Variants in KLHL1 observed in about 807,000 individuals in gnomAD.
KLHL1 encodes the protein kelch like family member 1, also known as kelch-like protein 1.
In KLHL1, 47 loss-of-function variants were observed where a neutral mutation model predicts 77.7. The ratio of observed to expected loss-of-function variants is 0.60; its 90% CI spans 0.48 to 0.77. The LOEUF (loss-of-function observed/expected upper bound fraction) is 0.77, where lower values mean the gene tolerates loss of function less well. Among genes scored for constraint, KLHL1 ranks in the 30% least tolerant of loss-of-function variants. The pLI, the probability that KLHL1 is intolerant of heterozygous loss-of-function variation, is 0.00. For missense variants in KLHL1, 925 were observed against 910.8 expected (o/e 1.02, Z -0.20); for synonymous variants, 360 against 325.2 (o/e 1.11, Z -1.15).
chr13:69,728,770 T>C (rs1184275431), intron 8 of KLHL1, among the ~76,000 whole-genome samples: 1 of 151,594 alleles, frequency 6.6e-6, no homozygotes, highest in Non-Finnish European at 1.5e-5. Context: ...ATTGTGCCAC[T>C]ACACTCCAGC....
intron 7 of KLHL1, among the ~76,000 whole-genome samples, chr13:69,784,239 T>A (rs1351748183): frequency 1.3e-5 from 2 of 152,036 alleles, no homozygotes; most frequent in East Asian, 3.9e-4. Context: ...CATGCCAAAA[T>A]GTAAAGACCA....
chr13:69,931,869 A>C (rs1883014060), intron 4 of KLHL1, among the ~76,000 whole-genome samples: 1 of 151,818 alleles, frequency 6.6e-6, no homozygotes, highest in African/African-American at 2.4e-5. Flanking sequence ...AAGTTAATGA[A>C]TTTTAATCAT....
chr13:69,932,877 A>G (rs74569189), intron 4 of KLHL1, among the ~76,000 whole-genome samples: 12,287 of 152,086 alleles, frequency 0.081, 703 homozygotes, highest in Non-Finnish European at 0.12. Flanking sequence ...TCTAATTTAC[A>G]TAATGGGTAG....
chr13:70,020,642 A>C (rs1885764864), intron 1 of KLHL1, among the ~76,000 whole-genome samples: 1 of 152,054 alleles, frequency 6.6e-6, no homozygotes, highest in South Asian at 2.1e-4. Flanking sequence ...TATGATTCCC[A>C]GGGCACAGAT....
chr13:69,894,877 A>G, intron 4 of KLHL1: 1 of 298,542 alleles, frequency 3.3e-6, no homozygotes, highest in Non-Finnish European at 6.6e-6. Context: ...CTTCACCCTA[A>G]CTAGCACCTC....
intron 1 of KLHL1, among the ~76,000 whole-genome samples, chr13:69,989,964 A>G (rs1213797690): frequency 1.3e-5 from 2 of 151,688 alleles, no homozygotes; most frequent in Admixed American, 6.6e-5. Flanking sequence ...TCTTTCTCTA[A>G]GTCTAGAGAC....
chr13:69,775,693 GT>G (rs146568047), intron 7 of KLHL1, among the ~76,000 whole-genome samples: 2 of 150,696 alleles, frequency 1.3e-5, no homozygotes, highest in Non-Finnish European at 3.0e-5. Flanking sequence ...ATGCCTAAGG[GT>G]TTTTTTTTGT....
At chr13:69,764,232 C>T (rs12429437) in intron 7 of KLHL1, among the ~76,000 whole-genome samples, 10,099 of 152,200 alleles carry the variant, frequency 0.066, 475 homozygotes, top group Non-Finnish European at 0.1. Flanking sequence ...CTGTTAAAAC[C>T]ATGTTTAAAT....
At chr13:69,906,160 C>T (rs1364334497) in intron 4 of KLHL1, among the ~76,000 whole-genome samples, 1 of 152,020 alleles carries the variant, frequency 6.6e-6, no homozygotes, top group Non-Finnish European at 1.5e-5. Flanking sequence ...TAAGTAATTA[C>T]TGGGGTTCCA....
chr13:69,730,134 T>C (rs189112813), intron 8 of KLHL1, among the ~76,000 whole-genome samples: 1 of 152,274 alleles, frequency 6.6e-6, no homozygotes, highest in Non-Finnish European at 1.5e-5. Context: ...TTATTTCTGA[T>C]TAAGATTGGA....
At chr13:70,078,188 TC>T (rs750699645) in intron 1 of KLHL1, among the ~76,000 whole-genome samples, 28 of 147,974 alleles carry the variant, frequency 1.9e-4, no homozygotes, top group South Asian at 6.5e-4. Flanking sequence ...ATTAACTCAA[TC>T]AAAAAAAAAA....
chr13:69,951,645 T>G (rs574883143), intron 3 of KLHL1, among the ~76,000 whole-genome samples: 1 of 151,650 alleles, frequency 6.6e-6, no homozygotes, highest in African/African-American at 2.4e-5. Flanking sequence ...TGAGGTTCTG[T>G]GTTGACAAAG....
At chr13:69,814,126 A>C (rs1181606693) in intron 6 of KLHL1, among the ~76,000 whole-genome samples, 1 of 152,196 alleles carries the variant, frequency 6.6e-6, no homozygotes, top group African/African-American at 2.4e-5. Context: ...GACAATGACA[A>C]CTAAAAAAAC....
chr13:69,999,994 A>C (rs952695059), intron 1 of KLHL1, among the ~76,000 whole-genome samples: 12 of 151,986 alleles, frequency 7.9e-5, no homozygotes, highest in Non-Finnish European at 1.5e-4. Context: ...ATGGGGACAC[A>C]TTCCTCATGA....
chr13:69,867,876 T>C (rs2150958), intron 5 of KLHL1, among the ~76,000 whole-genome samples: 3 of 136,388 alleles, frequency 2.2e-5, no homozygotes, highest in South Asian at 2.8e-4. Flanking sequence ...GGGGGAGGGA[T>C]AGCATTAGGA....
intron 1 of KLHL1, among the ~76,000 whole-genome samples, chr13:70,042,300 T>G (rs914103470): frequency 1.3e-5 from 2 of 152,152 alleles, no homozygotes; most frequent in African/African-American, 4.8e-5. Flanking sequence ...TGTGCGTGCT[T>G]GTGTGGGTGT....
intron 4 of KLHL1, among the ~76,000 whole-genome samples, chr13:69,936,943 A>G (rs540789100): frequency 2.6e-4 from 40 of 152,270 alleles, no homozygotes; most frequent in African/African-American, 7.5e-4. Context: ...ATTTACCTAC[A>G]TATCTTCCTG....
intron 4 of KLHL1, among the ~76,000 whole-genome samples, chr13:69,936,008 T>G (rs1883176782): frequency 6.6e-6 from 1 of 152,130 alleles, no homozygotes; most frequent in Admixed American, 6.5e-5. Flanking sequence ...TAAGAAAGTT[T>G]ATGATATCAC....
At chr13:69,975,919 G>T in intron 1 of KLHL1, 117 bp from the exon 2 acceptor site, 1 of 1,242,364 alleles carries the variant, frequency 8.0e-7, no homozygotes, top group Non-Finnish European at 1.0e-6. Context: ...TAATATATCT[G>T]TGTTTATTTT....
Sources: allele counts gnomAD v4.1 joint callset (sites outside exome capture counted in the v4.1 genomes callset), GRCh38; gene constraint gnomAD v4.1.1; transcripts MANE v1.5; gene names NCBI Gene and HGNC (gene_info 2026-07-23, HGNC 2026-07-21).